Variants in MAP6 observed in about 807,000 individuals in gnomAD.
MAP6 encodes the protein microtubule-associated protein 6.
A neutral mutation model predicts 42.4 loss-of-function variants in MAP6; 26 were observed. That is an observed-to-expected ratio of 0.61 (90% CI 0.45 to 0.85). The LOEUF (loss-of-function observed/expected upper bound fraction) is 0.85. Among genes scored for constraint, MAP6 ranks in the 40% least tolerant of loss-of-function variants. The probability of loss-of-function intolerance (pLI) is 0.00; values close to 1 mark genes in which losing one functional copy is unlikely to be tolerated. For synonymous variants in MAP6, 418 were observed against 443.8 expected, an observed-to-expected ratio of 0.94 and a Z score of 0.73; for missense variants, 966 against 1,099.0, an observed-to-expected ratio of 0.88 and a Z score of 1.71.
Position 75,667,058 on chromosome 11 carries a change from G to A in MAP6, c.905+407C>T, listed in dbSNP as rs1344232953. ...AGGAGGGCGAGAGGCCACTTGGAAAGAATTCTTCTTCTGGAAGAATGGGGA... is the reference window on the plus strand; with the variant it reads ...AGGAGGGCGAGAGGCCACTTGGAAAAAATTCTTCTTCTGGAAGAATGGGGA... On this transcript the variant is annotated intron_variant, in intron 1 of 3. Transcript: ENST00000304771. The surrounding 1 kb of genome is among the most constrained non-coding windows in gnomAD (Gnocchi z 5.6). Among the ~76,000 whole-genome samples, 1 of 152,182 alleles carries A rather than the reference G, an allele frequency of 6.6e-6. No homozygotes were observed. Among genetic ancestry groups the A allele is most frequent in the Non-Finnish European group, 1.5e-5 (1 of 68,026 alleles).
chr11:75,668,651 G>A lies in MAP6; in HGVS notation c.-282C>T, dbSNP rs1204635776. ...GACGCACGGCGTTCCCGAGTCCCCG[G>A]CGAGGGTGTCTGGGACGCGCCCCTC... On this transcript the variant is annotated 5_prime_UTR_variant, in exon 1 of 4. Transcript: ENST00000304771. 1 of 274,176 alleles carries A rather than the reference G, an allele frequency of 3.6e-6. No homozygotes were observed. Among genetic ancestry groups the A allele is most frequent in the East Asian group, 6.6e-5 (1 of 15,248 alleles). 17.0% of individuals were successfully genotyped at this position (274,176 alleles called of 1,614,324 possible).
At chr11:75,664,042 C>T (rs1943902047) in intron 1 of MAP6, among the ~76,000 whole-genome samples, 1 of 152,208 alleles carries the variant, frequency 6.6e-6, no homozygotes, top group Non-Finnish European at 1.5e-5. Context: ...ATGGGGTTGA[C>T]TGGGAGAGGA....
chr11:75,665,499 T>C (rs1232641701), intron 1 of MAP6, among the ~76,000 whole-genome samples: 1 of 152,050 alleles, frequency 6.6e-6, no homozygotes, highest in Non-Finnish European at 1.5e-5. Context: ...TGCTAGTGGG[T>C]AGTAAGGTTC....
rs1436013767 is a variant in MAP6 at position 75,587,287 on chromosome 11, T to A, written c.2214A>T (p.Gln738His). The A allele has an allele frequency of 6.2e-7, 1 of 1,614,190 alleles. No homozygotes were observed. The highest frequency in any genetic ancestry group is 1.7e-5 in the Admixed American group (1 of 60,024). ...TCAGAGGTTCAGGGACTATACGACC[T>A]TGATTCTTTGGAGGCTGTAGGACTG... ...GPTVLQPPKN[Q>H]GRIVPEPLKN... Residue 738 changes from glutamine (Q) to histidine (H), a missense_variant, in exon 4 of 4, where the codon CAA becomes CAT. By Grantham distance (24) the Gln-to-His change is conservative. Around this residue, in one of 2 missense-constraint regions of MAP6, gnomAD observed 943 missense variants for 1,049.9 expected, o/e 0.90. Coordinates refer to ENST00000304771, the MANE Select transcript of MAP6 (RefSeq NM_033063.2).
chr11:75,639,886 G>A (rs188253550), intron 1 of MAP6, among the ~76,000 whole-genome samples: 45 of 152,280 alleles, frequency 3.0e-4, no homozygotes, highest in Non-Finnish European at 1.5e-5. Context: ...CTTCCTCTGG[G>A]TGCCCAAGCG....
At chr11:75,658,744 T>G (rs1431285102) in intron 1 of MAP6, among the ~76,000 whole-genome samples, 1 of 152,232 alleles carries the variant, frequency 6.6e-6, no homozygotes, top group South Asian at 2.1e-4. Flanking sequence ...GCAATGATAC[T>G]TCCAAGTTCT....
At chr11:75,624,573 T>C (rs1401097199) in intron 1 of MAP6, among the ~76,000 whole-genome samples, 2 of 152,026 alleles carry the variant, frequency 1.3e-5, no homozygotes, top group African/African-American at 4.8e-5. Context: ...GCCCTGTAGA[T>C]GCCTGAAGCA....
At chr11:75,591,885 G>C (rs1208473514) in intron 3 of MAP6, among the ~76,000 whole-genome samples, 1 of 152,184 alleles carries the variant, frequency 6.6e-6, no homozygotes, top group African/African-American at 2.4e-5. Flanking sequence ...AGAAAATTTT[G>C]CTAGGTGGGC....
chr11:75,667,746 G>A lies in MAP6; in HGVS notation c.624C>T (p.Ala208=), dbSNP rs1590817615. The A allele has an allele frequency of 3.1e-6, 4 of 1,305,488 alleles. No homozygotes were observed. The African/African-American group carries it at 6.2e-5, about 20-fold the overall frequency. The allele number at this position is 1,305,488 out of a possible 1,614,324, so 80.9% of individuals were successfully genotyped here. The change falls in exon 1 of 4, where the codon GCC becomes GCT. Residue 208 remains alanine, a synonymous_variant. Coordinates refer to ENST00000304771, the MANE Select transcript of MAP6 (RefSeq NM_033063.2). The surrounding 1 kb of genome is among the most constrained non-coding windows in gnomAD (Gnocchi z 5.6). ...CCTCCTGCTCCCGGGCCTCAGCGGC[G>A]GCCTGCACTGGCCAGCGCTCCTGGC... ...PQSQERWPVQ[A]AAEAREQEAA... is the part of the protein sequence containing the mutation.
rs141346632 is a variant in MAP6 at position 75,626,114 on chromosome 11, C to T, written c.906-17792G>A. On this transcript the variant is annotated intron_variant, in intron 1 of 3. Coordinates refer to ENST00000304771, the MANE Select transcript of MAP6 (RefSeq NM_033063.2). ...GAAAACTCTCACTCCAGCTTCCACA[C>T]GGCATCCCAGTCTGCTGCAGTCATC... Among the ~76,000 whole-genome samples the T allele has an allele frequency of 1.0e-3, 159 of 152,304 alleles. 2 individuals carry two copies. In the Middle Eastern group the frequency reaches 0.014, roughly 13 times the overall value.
intron 2 of MAP6, chr11:75,607,319 A>G (rs1324205985): frequency 4.1e-6 from 4 of 985,482 alleles, no homozygotes; most frequent in Non-Finnish European, 4.8e-6. Flanking sequence ...TTAAGTTCTC[A>G]GGCATTTTCT....
intron 1 of MAP6, among the ~76,000 whole-genome samples, chr11:75,630,466 T>C (rs1043625135): frequency 2.0e-5 from 3 of 152,232 alleles, no homozygotes; most frequent in African/African-American, 7.2e-5. Context: ...TTCTATAATG[T>C]TGTATCTTAC....
chr11:75,661,212 T>TA (rs1565282980), intron 1 of MAP6, among the ~76,000 whole-genome samples: 5 of 151,990 alleles, frequency 3.3e-5, no homozygotes, highest in East Asian at 1.9e-4. Context: ...ATTGACAGTT[T>TA]AAAAAAAATC....
chr11:75,655,514 A>G (rs1943732194), intron 1 of MAP6, among the ~76,000 whole-genome samples: 1 of 152,234 alleles, frequency 6.6e-6, no homozygotes, highest in African/African-American at 2.4e-5. Context: ...GTGGGCAAGA[A>G]GGCTAGAAGC....
At chr11:75,590,976 AAAAAAG>A (rs1565251815) in intron 3 of MAP6, among the ~76,000 whole-genome samples, 1 of 152,154 alleles carries the variant, frequency 6.6e-6, no homozygotes, top group Non-Finnish European at 1.5e-5. Flanking sequence ...CCAGGAAAAA[AAAAAAG>A]AAAAAAGTTT....
At chr11:75,590,220 C>T (rs1461625143) in intron 3 of MAP6, among the ~76,000 whole-genome samples, 1 of 152,122 alleles carries the variant, frequency 6.6e-6, no homozygotes, top group East Asian at 1.9e-4. Flanking sequence ...CAGAACAGAG[C>T]CAAGCAGGAA....
intron 2 of MAP6, chr11:75,607,107 G>T: frequency 2.1e-6 from 1 of 481,596 alleles, no homozygotes; most frequent in Non-Finnish European, 2.7e-6. Context: ...GTAAGGAAAG[G>T]AACCAATCGT....
chr11:75,590,691 A>G (rs1267654552), intron 3 of MAP6, among the ~76,000 whole-genome samples: 2 of 152,216 alleles, frequency 1.3e-5, no homozygotes, highest in Non-Finnish European at 2.9e-5. Context: ...TTTTAATATT[A>G]AGTTTAAGAA....
At chr11:75,657,049 C>CT (rs1029422324) in intron 1 of MAP6, among the ~76,000 whole-genome samples, 1 of 151,818 alleles carries the variant, frequency 6.6e-6, no homozygotes, top group African/African-American at 2.4e-5. Context: ...AGTAAATATA[C>CT]TTGTATCTGG....
Sources: allele counts gnomAD v4.1 joint callset (sites outside exome capture counted in the v4.1 genomes callset), GRCh38; gene constraint gnomAD v4.1.1; regional missense constraint gnomAD v4.1.1; non-coding constraint Gnocchi (gnomAD v3.1); transcripts MANE v1.5; gene names NCBI Gene and HGNC (gene_info 2026-07-23, HGNC 2026-07-21).